VAV3: variants seen among roughly 807,000 people sequenced by gnomAD.
VAV3 encodes the protein guanine nucleotide exchange factor VAV3.
A neutral mutation model predicts 131.2 loss-of-function variants in VAV3; 94 were observed. The observed-to-expected ratio is 0.72, with a 90% CI of 0.61 to 0.85. VAV3 has a LOEUF of 0.85. Ranked by LOEUF, VAV3 falls within the 40% of genes least tolerant of loss-of-function variation. The pLI is 0.00. For missense variants in VAV3, 939 were observed against 1,002.7 expected, an observed-to-expected ratio of 0.94 and a Z score of 0.86; for synonymous variants, 349 against 342.0, an observed-to-expected ratio of 1.02 and a Z score of -0.22.
intron 25 of VAV3, among the ~76,000 whole-genome samples, chr1:107,587,502 G>A (rs575842375): frequency 6.6e-6 from 1 of 152,228 alleles, no homozygotes; most frequent in East Asian, 1.9e-4. Flanking sequence ...CTTGGATCAG[G>A]GCTGTTATAT....
chr1:107,703,213 C>A (rs1277754417), intron 17 of VAV3, among the ~76,000 whole-genome samples: 3 of 152,010 alleles, frequency 2.0e-5, no homozygotes, highest in African/African-American at 7.2e-5. Flanking sequence ...AAAGATGGAA[C>A]AACAAAAATT....
At chr1:107,701,934 GTCT>G (rs532408363) in intron 17 of VAV3, among the ~76,000 whole-genome samples, 212 of 152,252 alleles carry the variant, frequency 1.4e-3, no homozygotes, top group African/African-American at 5.0e-3. Flanking sequence ...ACATCTTCCT[GTCT>G]TCTTCTGAGC....
chr1:107,799,561 T>C (rs1184786407), intron 2 of VAV3, among the ~76,000 whole-genome samples: 1 of 152,200 alleles, frequency 6.6e-6, no homozygotes, highest in African/African-American at 2.4e-5. Flanking sequence ...TGAAAAATTT[T>C]TATTGATGTA....
At chr1:107,853,233 C>A (rs1038427243) in intron 2 of VAV3, among the ~76,000 whole-genome samples, 1 of 152,162 alleles carries the variant, frequency 6.6e-6, no homozygotes, top group Non-Finnish European at 1.5e-5. Flanking sequence ...TTCTCTACCA[C>A]TTATTAGTCA....
chr1:107,845,022 C>T (rs1457671048), intron 2 of VAV3, among the ~76,000 whole-genome samples: 4 of 152,180 alleles, frequency 2.6e-5, no homozygotes, highest in Non-Finnish European at 5.9e-5. Flanking sequence ...AGACACCTCC[C>T]AGCAGGGGTC....
chr1:107,779,336 G>T, intron 3 of VAV3, 98 bp downstream of exon 3: 3 of 1,079,092 alleles, frequency 2.8e-6, no homozygotes, highest in Non-Finnish European at 3.9e-6. Flanking sequence ...ATGAGACATA[G>T]TACCTGTGTG....
intron 17 of VAV3, among the ~76,000 whole-genome samples, chr1:107,700,794 C>A (rs534317318): frequency 6.6e-6 from 1 of 152,150 alleles, no homozygotes. Context: ...AGAATGATTT[C>A]TATTCCTCTG....
intron 20 of VAV3, among the ~76,000 whole-genome samples, chr1:107,621,159 C>T (rs1017934332): frequency 6.6e-6 from 1 of 150,540 alleles, no homozygotes; most frequent in African/African-American, 2.4e-5. Flanking sequence ...TTTCACTAAA[C>T]AGGCTGCCAA....
intron 15 of VAV3, among the ~76,000 whole-genome samples, chr1:107,746,568 C>T (rs1315497297): frequency 5.3e-5 from 8 of 152,152 alleles, no homozygotes; most frequent in Admixed American, 5.2e-4. Context: ...TGCTGGTTGC[C>T]TACAACTACC....
intron 19 of VAV3, chr1:107,677,920 C>G (rs575529216): frequency 2.4e-4 from 37 of 152,208 alleles, no homozygotes; most frequent in African/African-American, 8.2e-4. Flanking sequence ...TTTGTGAACT[C>G]GGAATGAGCC....
chr1:107,750,270 G>A (rs143828492), intron 13 of VAV3, among the ~76,000 whole-genome samples: 133 of 152,288 alleles, frequency 8.7e-4, no homozygotes, highest in African/African-American at 3.1e-3. Flanking sequence ...AATGGTATAT[G>A]AGCCAAGTGT....
At chr1:107,622,990 C>A (rs530454357) in intron 20 of VAV3, among the ~76,000 whole-genome samples, 4 of 152,088 alleles carry the variant, frequency 2.6e-5, no homozygotes, top group Non-Finnish European at 5.9e-5. Context: ...AAGAAAAAAA[C>A]CAGCAAAGAG....
chr1:107,797,939 T>C lies in VAV3; in HGVS notation c.322-18447A>G, dbSNP rs1666627200. On this transcript the variant is annotated intron_variant, in intron 2 of 26. Transcript: ENST00000370056. Reference sequence around the variant, plus strand: ...ACTTCTAGCAAGTTCTCAGAAGCTGTTGATGCTGCTGGTCCAGGTACCATA... The same window carrying C: ...ACTTCTAGCAAGTTCTCAGAAGCTGCTGATGCTGCTGGTCCAGGTACCATA... 2.0e-5 allele frequency among the ~76,000 whole-genome samples: 3 copies of C among 152,190 alleles called. No homozygotes were observed. In the South Asian group the frequency reaches 6.2e-4, roughly 31 times the overall value.
chr1:107,841,572 T>C (rs112063628), intron 2 of VAV3, among the ~76,000 whole-genome samples: 142 of 152,300 alleles, frequency 9.3e-4, no homozygotes, highest in African/African-American at 3.0e-3. Flanking sequence ...CAATTTAAAA[T>C]AGGTATCATT....
At chr1:107,584,342 G>C (rs1650323181) in intron 25 of VAV3, among the ~76,000 whole-genome samples, 1 of 152,094 alleles carries the variant, frequency 6.6e-6, no homozygotes, top group Non-Finnish European at 1.5e-5. Flanking sequence ...CAGGACATAG[G>C]CATGGGCAAG....
intron 17 of VAV3, among the ~76,000 whole-genome samples, chr1:107,700,708 C>G (rs1424079409): frequency 6.6e-6 from 1 of 152,200 alleles, no homozygotes; most frequent in African/African-American, 2.4e-5. Flanking sequence ...CACTGATGGG[C>G]ATTTGGGCTG....
chr1:107,802,811 T>C (rs1245256545), intron 2 of VAV3, among the ~76,000 whole-genome samples: 1 of 152,070 alleles, frequency 6.6e-6, no homozygotes, highest in African/African-American at 2.4e-5. Context: ...TTCTGTTGTG[T>C]GCTTGTCTGG....
chr1:107,575,363 C>A (rs1649572621), intron 25 of VAV3, among the ~76,000 whole-genome samples: 1 of 152,140 alleles, frequency 6.6e-6, no homozygotes, highest in South Asian at 2.1e-4. Context: ...GAAGTTATGA[C>A]CTGTGTTACC....
intron 18 of VAV3, 118 bp from the exon 19 acceptor site, chr1:107,683,651 A>G: frequency 1.0e-6 from 1 of 997,540 alleles, no homozygotes; most frequent in Non-Finnish European, 1.6e-6. Flanking sequence ...TCCAAGTCAA[A>G]GTATGACTAA....
Sources: gnomAD v4.1 joint callset for allele counts (sites outside exome capture counted in the v4.1 genomes callset) on GRCh38, gnomAD v4.1.1 for gene constraint, MANE v1.5 for transcripts, NCBI Gene and HGNC (gene_info 2026-07-23, HGNC 2026-07-21) for gene names.